The following VPS37A variants were observed in gnomAD, a reference collection of about 807,000 sequenced individuals.
VPS37A encodes VPS37A subunit of ESCRT-I.
A neutral mutation model predicts 49.8 loss-of-function variants in VPS37A; 30 were observed. The observed-to-expected ratio is 0.60, with a 90% CI of 0.45 to 0.82. VPS37A has a LOEUF of 0.82. VPS37A is among the 40% of genes least tolerant of loss of function. The pLI is 0.00. For synonymous variants in VPS37A, 195 were observed against 160.6 expected (o/e 1.21, Z -1.62); for missense variants, 593 against 464.4 (o/e 1.28, Z -2.55).
At chr8:17,321,742 T>C in the VPS37A span, among the ~76,000 whole-genome samples, 1 of 152,208 alleles carries the variant, frequency 6.6e-6, no homozygotes, top group Non-Finnish European at 1.5e-5. Context: ...ATCAGAGACA[T>C]ATGCCACAAA....
At chr8:17,284,644 A>C (rs778497841) in intron 10 of VPS37A, 28 bp downstream of exon 10, 1 of 1,557,862 alleles carries the variant, frequency 6.4e-7, no homozygotes, top group Non-Finnish European at 8.6e-7. Flanking sequence ...GTTGAGGACA[A>C]GTATTGGATA....
At chr8:17,262,562 T>C (rs1813052211) in intron 1 of VPS37A, among the ~76,000 whole-genome samples, 1 of 147,394 alleles carries the variant, frequency 6.8e-6, no homozygotes, top group South Asian at 2.2e-4. Context: ...ATTAAAATAT[T>C]ACTTTAAAGT....
Position 17,280,029 on chromosome 8 carries a change from G to A in VPS37A, c.715G>A (p.Val239Met). The A allele has an allele frequency of 1.9e-6, 3 of 1,610,082 alleles. No homozygotes were observed. The highest frequency in any genetic ancestry group is 2.5e-6 in the Non-Finnish European group (3 of 1,178,178). The change falls in exon 7 of 12, where the codon GTG becomes ATG. Residue 239 changes from valine (V) to methionine (M), a missense_variant and splice_region_variant. By Grantham distance (21) the Val-to-Met change is conservative. Transcript: ENST00000324849. ...ACATTTTTTCTTTTGTGTTTCTAGT[G>A]TGTCACAACTCACAGATATGAATGA... Reference protein sequence around the residue: ...DAFPELSELSVSQLTDMNEQE... With the variant: ...DAFPELSELSMSQLTDMNEQE...
downstream of VPS37A, chr8:17,305,871 A>G: frequency 1.2e-6 from 2 of 1,613,730 alleles, no homozygotes; most frequent in South Asian, 2.2e-5. Flanking sequence ...GGCACAGGGA[A>G]ATTGTTCCAT....
At chr8:17,303,869 A>G (rs1302914214), downstream of VPS37A, among the ~76,000 whole-genome samples, 1 of 152,178 alleles carries the variant, frequency 6.6e-6, no homozygotes, top group Non-Finnish European at 1.5e-5. Context: ...CTCGGCTAAT[A>G]CATACAATCT....
At chr8:17,247,583 G>C in intron 1 of VPS37A, 1 of 735,878 alleles carries the variant, frequency 1.4e-6, no homozygotes. Flanking sequence ...ACTGCTCAGC[G>C]CTTCTAACTC....
chr8:17,279,597 G>C (rs1410723138), intron 6 of VPS37A: 2 of 304,772 alleles, frequency 6.6e-6, no homozygotes, highest in Non-Finnish European at 1.3e-5. Flanking sequence ...ACAGAATTAA[G>C]AACAAGAAAA....
intron 1 of VPS37A, among the ~76,000 whole-genome samples, chr8:17,262,739 C>CATAT (rs1241236365): frequency 2.6e-5 from 4 of 151,834 alleles, no homozygotes; most frequent in Non-Finnish European, 1.5e-5. Flanking sequence ...ATAGTATGAC[C>CATAT]ATATACTACA....
chr8:17,286,514 C>A, intron 11 of VPS37A, 87 bp downstream of exon 11: 15 of 1,118,318 alleles, frequency 1.3e-5, no homozygotes, highest in Non-Finnish European at 1.3e-6. Flanking sequence ...TGTTCATCAG[C>A]CTTAAGCATA....
downstream of VPS37A, chr8:17,305,980 CTT>C (rs1817427604): frequency 2.6e-6 from 4 of 1,554,440 alleles, no homozygotes; most frequent in Non-Finnish European, 3.5e-6. Flanking sequence ...GCATTAGAGA[CTT>C]TTTAAGGCAG....
At chr8:17,310,100 G>C in the VPS37A span, among the ~76,000 whole-genome samples, 2 of 151,944 alleles carry the variant, frequency 1.3e-5, no homozygotes, top group African/African-American at 2.4e-5. Context: ...TCCTGAGCTC[G>C]AGCGATCCTC....
intron 6 of VPS37A, among the ~76,000 whole-genome samples, chr8:17,276,727 A>G (rs1468906963): frequency 1.3e-5 from 2 of 152,118 alleles, no homozygotes; most frequent in Non-Finnish European, 2.9e-5. Context: ...CCTTTCTGTC[A>G]TGTGGCCTGC....
chr8:17,309,304 A>G, the VPS37A span: 1 of 1,568,918 alleles, frequency 6.4e-7, no homozygotes, highest in East Asian at 2.2e-5. Flanking sequence ...ACCAAAGGAA[A>G]TCCAGTCCTT....
At chr8:17,299,223 TGAG>T (rs1816937868), downstream of VPS37A, 1 of 152,324 alleles carries the variant, frequency 6.6e-6, no homozygotes, top group Non-Finnish European at 1.5e-5. Flanking sequence ...TTTTAAATAA[TGAG>T]GAGAAACAGA....
chr8:17,318,933 C>G, the VPS37A span, among the ~76,000 whole-genome samples: 25 of 152,374 alleles, frequency 1.6e-4, no homozygotes, highest in Admixed American at 3.3e-4. Context: ...CTCCTGAAAA[C>G]AAGAGCACTG....
downstream of VPS37A, chr8:17,300,275 T>C: frequency 3.3e-6 from 5 of 1,538,226 alleles, no homozygotes; most frequent in Non-Finnish European, 4.4e-6. Context: ...AACTTATCTT[T>C]TTCTATATAT....
At chr8:17,272,800 C>A (rs1388271796) in intron 4 of VPS37A, among the ~76,000 whole-genome samples, 1 of 151,968 alleles carries the variant, frequency 6.6e-6, no homozygotes, top group Admixed American at 6.6e-5. Flanking sequence ...GTCATATATT[C>A]ACCTGGCTCA....
At chr8:17,283,276 C>T (rs934212765) in intron 9 of VPS37A, among the ~76,000 whole-genome samples, 2 of 152,092 alleles carry the variant, frequency 1.3e-5, no homozygotes, top group Non-Finnish European at 2.9e-5. Flanking sequence ...CCAATTCATC[C>T]TCCCAAGTAG....
chr8:17,264,037 C>CTGGT (rs1813211569), intron 1 of VPS37A, among the ~76,000 whole-genome samples: 1 of 152,206 alleles, frequency 6.6e-6, no homozygotes, highest in African/African-American at 2.4e-5. Context: ...ATTTATTGAA[C>CTGGT]ACTTATTTGC....
Sources: gnomAD v4.1 joint callset for allele counts (sites outside exome capture counted in the v4.1 genomes callset) on GRCh38, gnomAD v4.1.1 for gene constraint, MANE v1.5 for transcripts, NCBI Gene and HGNC (gene_info 2026-07-23, HGNC 2026-07-21) for gene names.